CEP63: variants seen among roughly 807,000 people sequenced by gnomAD.
CEP63 encodes centrosomal protein 63.
Under a neutral mutation model 89.1 loss-of-function variants are expected in CEP63, and 84 were observed. The ratio of observed to expected loss-of-function variants is 0.94; its 90% CI spans 0.79 to 1.13. CEP63 has a LOEUF of 1.13. CEP63 is among the 50% of genes most tolerant of loss of function. CEP63 has a pLI of 0.00. For missense variants in CEP63, 838 were observed against 813.3 expected (o/e 1.03, Z -0.37); for synonymous variants, 267 against 272.5 (o/e 0.98, Z 0.20).
At chr3:134,519,736 T>TC (rs1947036038) in intron 3 of CEP63, among the ~76,000 whole-genome samples, 1 of 152,214 alleles carries the variant, frequency 6.6e-6, no homozygotes, top group African/African-American at 2.4e-5. Flanking sequence ...ATTTAGAAAT[T>TC]ACATACTAAC....
chr3:134,619,508 G>A, the CEP63 span, among the ~76,000 whole-genome samples: 19 of 152,250 alleles, frequency 1.2e-4, no homozygotes, highest in Non-Finnish European at 2.1e-4. Flanking sequence ...GAGGGGCTAG[G>A]AGGAGAAGGG....
chr3:134,712,204 T>A, the CEP63 span, among the ~76,000 whole-genome samples: 1 of 152,212 alleles, frequency 6.6e-6, no homozygotes, highest in African/African-American at 2.4e-5. Context: ...ATCCATTGTG[T>A]TGGGCAGTGG....
At chr3:134,620,636 TG>T in the CEP63 span, 1 of 731,436 alleles carries the variant, frequency 1.4e-6, no homozygotes, top group Non-Finnish European at 2.4e-6. Context: ...TCTGGGTCCC[TG>T]TCCCCCACCT....
intron 11 of CEP63, among the ~76,000 whole-genome samples, 166 bp from the exon 12 acceptor site, chr3:134,551,760 C>T (rs1175530538): frequency 4.9e-5 from 7 of 142,022 alleles, no homozygotes; most frequent in East Asian, 2.0e-4. Context: ...TATATACACA[C>T]ACACACGTAC....
the CEP63 span, chr3:134,604,397 G>A: frequency 6.2e-7 from 1 of 1,614,028 alleles, no homozygotes; most frequent in African/African-American, 1.3e-5. Context: ...AGCAGCCCAT[G>A]CTCTTGCTTG....
the CEP63 span, among the ~76,000 whole-genome samples, chr3:134,734,181 C>T: frequency 6.6e-6 from 1 of 152,300 alleles, no homozygotes; most frequent in African/African-American, 2.4e-5. Context: ...ACATGTCATG[C>T]ATTGCAGCTT....
the CEP63 span, among the ~76,000 whole-genome samples, chr3:134,626,008 G>A: frequency 1.3e-5 from 2 of 152,246 alleles, no homozygotes; most frequent in Admixed American, 6.5e-5. Context: ...CCTGGCCAAT[G>A]GTTAGACCAA....
chr3:134,616,370 G>C, the CEP63 span, among the ~76,000 whole-genome samples: 3 of 152,188 alleles, frequency 2.0e-5, no homozygotes, highest in Non-Finnish European at 2.9e-5. Flanking sequence ...AAAAAGTAAT[G>C]ATGTCCACCC....
chr3:134,625,729 G>A, the CEP63 span, among the ~76,000 whole-genome samples: 1 of 152,266 alleles, frequency 6.6e-6, no homozygotes, highest in Non-Finnish European at 1.5e-5. Context: ...GTCAACTGGA[G>A]ACCTGAGCAT....
At chr3:134,493,216 A>G (rs78636864) in intron 1 of CEP63, among the ~76,000 whole-genome samples, 7 of 152,244 alleles carry the variant, frequency 4.6e-5, no homozygotes, top group Admixed American at 3.3e-4. Flanking sequence ...TGGACATTTA[A>G]TTGGCTGTTA....
At chr3:134,723,434 A>T in the CEP63 span, among the ~76,000 whole-genome samples, 1 of 152,214 alleles carries the variant, frequency 6.6e-6, no homozygotes, top group Non-Finnish European at 1.5e-5. Flanking sequence ...TAACCAAACT[A>T]GGTCCACGAT....
chr3:134,762,534 G>A, the CEP63 span, among the ~76,000 whole-genome samples: 1 of 152,114 alleles, frequency 6.6e-6, no homozygotes, highest in Admixed American at 6.5e-5. Flanking sequence ...GAGTTCACTA[G>A]TAAGAGTCCT....
At chr3:134,712,537 T>C in the CEP63 span, among the ~76,000 whole-genome samples, 1 of 152,182 alleles carries the variant, frequency 6.6e-6, no homozygotes, top group South Asian at 2.1e-4. Context: ...CATATTCTTA[T>C]TTGCATATGA....
chr3:134,624,841 G>A, the CEP63 span, among the ~76,000 whole-genome samples: 2 of 152,218 alleles, frequency 1.3e-5, no homozygotes, highest in East Asian at 3.9e-4. Flanking sequence ...AGGATCGTGG[G>A]TGGGCTGGGG....
chr3:134,530,721 A>T (rs1183441265), intron 3 of CEP63, among the ~76,000 whole-genome samples: 1 of 152,050 alleles, frequency 6.6e-6, no homozygotes, highest in Non-Finnish European at 1.5e-5. Flanking sequence ...TATTGGCTGT[A>T]TTTACCCATT....
At chr3:134,597,599 C>T in the CEP63 span, among the ~76,000 whole-genome samples, 1 of 152,216 alleles carries the variant, frequency 6.6e-6, no homozygotes, top group African/African-American at 2.4e-5. Flanking sequence ...AGGCCAAGCT[C>T]TTGCCAGGCA....
chr3:134,527,712 C>T (rs1440824192), intron 3 of CEP63, among the ~76,000 whole-genome samples: 1 of 152,172 alleles, frequency 6.6e-6, no homozygotes, highest in African/African-American at 2.4e-5. Flanking sequence ...GCTGGTCAGG[C>T]ATAGTCTGCC....
the CEP63 span, among the ~76,000 whole-genome samples, chr3:134,762,256 T>A: frequency 2.0e-4 from 31 of 152,100 alleles, no homozygotes; most frequent in Admixed American, 2.0e-3. Context: ...TGGGCCACCC[T>A]GGAATGGGCT....
downstream of CEP63, among the ~76,000 whole-genome samples, chr3:134,576,239 A>C (rs900274376): frequency 5.9e-5 from 9 of 152,210 alleles, no homozygotes; most frequent in African/African-American, 2.2e-4. Context: ...ATATTTCTGC[A>C]GTTAAAATTT....
Sources: allele counts gnomAD v4.1 joint callset (sites outside exome capture counted in the v4.1 genomes callset), GRCh38; gene constraint gnomAD v4.1.1; transcripts MANE v1.5; gene names NCBI Gene and HGNC (gene_info 2026-07-23, HGNC 2026-07-21).